The following LGSN variants were observed in gnomAD, a reference collection of about 807,000 sequenced individuals.
LGSN encodes the protein lengsin.
Under a neutral mutation model 19.5 loss-of-function variants are expected in LGSN, and 21 were observed. The ratio of observed to expected loss-of-function variants is 1.07; its 90% CI spans 0.76 to 1.55. The LOEUF is 1.55. LGSN is among the 40% of genes most tolerant of loss of function. The probability of loss-of-function intolerance (pLI) is 0.00; values close to 1 mark genes in which losing one functional copy is unlikely to be tolerated. For missense variants in LGSN, 673 were observed against 608.5 expected, an observed-to-expected ratio of 1.11 and a Z score of -1.12; for synonymous variants, 257 against 215.6, an observed-to-expected ratio of 1.19 and a Z score of -1.68.
the LGSN span, among the ~76,000 whole-genome samples, chr6:63,424,351 G>A: frequency 6.6e-6 from 1 of 151,980 alleles, no homozygotes; most frequent in Non-Finnish European, 1.5e-5. Flanking sequence ...TCTCATAAAA[G>A]AAATCTCCAG....
chr6:63,408,932 A>T, the LGSN span, among the ~76,000 whole-genome samples: 1 of 152,222 alleles, frequency 6.6e-6, no homozygotes, highest in African/African-American at 2.4e-5. Context: ...TTTCTTTGAG[A>T]TGGAGTCTTA....
At chr6:63,512,836 C>T in the LGSN span, among the ~76,000 whole-genome samples, 3 of 152,304 alleles carry the variant, frequency 2.0e-5, no homozygotes, top group Middle Eastern at 0.01. Flanking sequence ...TGGTATGATG[C>T]TTAGAATCTG....
the LGSN span, among the ~76,000 whole-genome samples, chr6:63,478,057 T>A: frequency 1.4e-4 from 21 of 152,116 alleles, no homozygotes; most frequent in Non-Finnish European, 2.9e-4. Flanking sequence ...ACTGAACTTA[T>A]ATCAAGGGAA....
the LGSN span, among the ~76,000 whole-genome samples, chr6:63,492,058 T>C: frequency 6.6e-6 from 1 of 152,094 alleles, no homozygotes; most frequent in Non-Finnish European, 1.5e-5. Flanking sequence ...TTAACGTATG[T>C]TTTACTGTCA....
chr6:63,568,534 A>G, the LGSN span, among the ~76,000 whole-genome samples: 2 of 152,226 alleles, frequency 1.3e-5, no homozygotes, highest in African/African-American at 4.8e-5. Flanking sequence ...TAATAATTTA[A>G]AAGTTTGAAA....
At chr6:63,418,435 C>T in the LGSN span, among the ~76,000 whole-genome samples, 1 of 152,168 alleles carries the variant, frequency 6.6e-6, no homozygotes, top group Non-Finnish European at 1.5e-5. Context: ...TTGGTGCGCT[C>T]CTGTAGTCCC....
At chr6:63,408,712 G>A in the LGSN span, among the ~76,000 whole-genome samples, 1 of 151,168 alleles carries the variant, frequency 6.6e-6, no homozygotes, top group Non-Finnish European at 1.5e-5. Flanking sequence ...CTTCTGCACA[G>A]CAAAAGAAAC....
chr6:63,385,375 A>T, the LGSN span, among the ~76,000 whole-genome samples: 1 of 152,232 alleles, frequency 6.6e-6, no homozygotes, highest in African/African-American at 2.4e-5. Context: ...TGAATTAACT[A>T]AACTTAGATC....
intron 1 of LGSN, among the ~76,000 whole-genome samples, chr6:63,311,624 T>C (rs1768631711): frequency 6.6e-6 from 1 of 152,234 alleles, no homozygotes; most frequent in Admixed American, 6.5e-5. Flanking sequence ...GCTGCTCTGA[T>C]ACATGCTGTA....
At chr6:63,372,308 C>T in the LGSN span, among the ~76,000 whole-genome samples, 2 of 152,174 alleles carry the variant, frequency 1.3e-5, no homozygotes, top group African/African-American at 4.8e-5. Flanking sequence ...ATGTGTGAAA[C>T]TGTTCAGTTA....
chr6:63,297,157 T>C (rs1056494332), intron 1 of LGSN, among the ~76,000 whole-genome samples: 4 of 151,890 alleles, frequency 2.6e-5, no homozygotes, highest in Non-Finnish European at 5.9e-5. Flanking sequence ...CTGGTCAACA[T>C]GGTGAAACCC....
the LGSN span, among the ~76,000 whole-genome samples, chr6:63,558,578 C>T: frequency 6.6e-6 from 1 of 152,244 alleles, no homozygotes; most frequent in South Asian, 2.1e-4. Flanking sequence ...CAGCCTAAAC[C>T]ATGTTGAATA....
chr6:63,471,865 A>G, the LGSN span, among the ~76,000 whole-genome samples: 1 of 152,076 alleles, frequency 6.6e-6, no homozygotes, highest in Non-Finnish European at 1.5e-5. Flanking sequence ...TCAGGATGGG[A>G]TTAGTGCCGT....
At chr6:63,430,238 T>G in the LGSN span, among the ~76,000 whole-genome samples, 3 of 152,148 alleles carry the variant, frequency 2.0e-5, no homozygotes, top group Admixed American at 2.0e-4. Context: ...CTAGACACCC[T>G]TCTCCAAAGC....
chr6:63,495,530 C>T, the LGSN span, among the ~76,000 whole-genome samples: 22 of 133,618 alleles, frequency 1.6e-4, no homozygotes, highest in East Asian at 4.5e-4. Flanking sequence ...GAGATCTCAG[C>T]GCTCTGCCTC....
chr6:63,328,439 T>A, the LGSN span, among the ~76,000 whole-genome samples: 1 of 152,224 alleles, frequency 6.6e-6, no homozygotes, highest in African/African-American at 2.4e-5. Flanking sequence ...TAGGTTGTTG[T>A]CTGATAGCCA....
the LGSN span, among the ~76,000 whole-genome samples, chr6:63,393,263 G>A: frequency 4.6e-5 from 7 of 151,642 alleles, no homozygotes; most frequent in Non-Finnish European, 8.8e-5. Context: ...TATCTCCTGG[G>A]TTCAAGCTAT....
At chr6:63,461,522 CAT>C in the LGSN span, among the ~76,000 whole-genome samples, 2 of 152,238 alleles carry the variant, frequency 1.3e-5, no homozygotes, top group Non-Finnish European at 2.9e-5. Context: ...TTTCTTCCCA[CAT>C]GACAAGTTAT....
the LGSN span, among the ~76,000 whole-genome samples, chr6:63,387,698 T>A: frequency 6.6e-6 from 1 of 151,948 alleles, no homozygotes; most frequent in Non-Finnish European, 1.5e-5. Flanking sequence ...TTAACTTTGA[T>A]CAATAATTTT....
Sources: allele counts gnomAD v4.1 joint callset (sites outside exome capture counted in the v4.1 genomes callset), GRCh38; gene constraint gnomAD v4.1.1; transcripts MANE v1.5; gene names NCBI Gene and HGNC (gene_info 2026-07-23, HGNC 2026-07-21).